The following DHX36 variants were observed in gnomAD, a reference collection of about 807,000 sequenced individuals.
DHX36 encodes DEAH-box helicase 36.
Under a neutral mutation model 139.0 loss-of-function variants are expected in DHX36, and 50 were observed. That is an observed-to-expected ratio of 0.36 (90% CI 0.29 to 0.46). DHX36 has a LOEUF of 0.46. Among genes scored for constraint, DHX36 ranks in the 20% least tolerant of loss-of-function variants. The pLI is 1.00. For missense variants in DHX36, 1,024 were observed against 1,211.3 expected, an observed-to-expected ratio of 0.85 and a Z score of 2.29; for synonymous variants, 425 against 401.9, an observed-to-expected ratio of 1.06 and a Z score of -0.69.
At chr3:154,317,924 G>A (rs1344183931) in intron 1 of DHX36, among the ~76,000 whole-genome samples, 1 of 151,902 alleles carries the variant, frequency 6.6e-6, no homozygotes, top group Non-Finnish European at 1.5e-5. Flanking sequence ...ACTCTGTACA[G>A]TGCAACTCTT....
At chr3:154,306,182 A>C (rs544069832) in intron 6 of DHX36, 34 bp downstream of exon 6, 2 of 1,475,022 alleles carry the variant, frequency 1.4e-6, no homozygotes, top group Non-Finnish European at 1.9e-6. Flanking sequence ...TTTCACTAAA[A>C]TCTGCCTGTA....
intron 17 of DHX36, among the ~76,000 whole-genome samples, chr3:154,287,460 G>A (rs1358356956): frequency 6.6e-6 from 1 of 152,004 alleles, no homozygotes; most frequent in Non-Finnish European, 1.5e-5. Context: ...TTCCAGACCA[G>A]CCTGGTCAAC....
At position 154,283,312 on chromosome 3, in the gene DHX36, A is replaced by T. The variant is rs111625607; in HGVS notation, c.2293-41T>A. 9 of 1,367,800 alleles carry T rather than the reference A, an allele frequency of 6.6e-6. No individual in the cohort carries two copies. In the East Asian group the frequency reaches 2.1e-4, roughly 31 times the overall value. The allele number at this position is 1,367,800 out of a possible 1,614,324, so 84.7% of individuals were successfully genotyped here. On this transcript the variant is annotated intron_variant, in intron 19 of 24. Coordinates refer to ENST00000496811, the MANE Select transcript of DHX36 (RefSeq NM_020865.3). Reference sequence around the variant, plus strand: ...ATGAAGAAATCTATATTTCTCCCGCAAACAAAGATTACTACTGGTTTCCCT... The same window carrying T: ...ATGAAGAAATCTATATTTCTCCCGCTAACAAAGATTACTACTGGTTTCCCT...
At position 154,283,288 on chromosome 3, in the gene DHX36, TG is replaced by T; in HGVS notation, c.2293-18del. On this transcript the variant is annotated intron_variant, in intron 19 of 24. Coordinates refer to ENST00000496811, the MANE Select transcript of DHX36 (RefSeq NM_020865.3). ...TTCCCAGCCCTATGGGGCAAAGAAA[TG>T]AAGAAATCTATATTTCTCCCGCAAA... 1 of 1,568,492 alleles carries T rather than the reference TG, an allele frequency of 6.4e-7. No homozygotes were observed. The highest frequency in any genetic ancestry group is 2.2e-5 in the East Asian group (1 of 44,652).
chr3:154,305,259 C>T (rs2108355620), intron 6 of DHX36, 91 bp from the exon 7 acceptor site: 3 of 1,123,874 alleles, frequency 2.7e-6, no homozygotes, highest in Middle Eastern at 4.1e-4. Flanking sequence ...TTTAGAAATG[C>T]TTTCAGTTTT....
chr3:154,316,985 A>C (rs1332496560), intron 1 of DHX36, among the ~76,000 whole-genome samples: 1 of 152,016 alleles, frequency 6.6e-6, no homozygotes, highest in Non-Finnish European at 1.5e-5. Flanking sequence ...TGAAAATTAG[A>C]GTGTGTTAGG....
chr3:154,316,702 A>C (rs1387342782), intron 1 of DHX36, among the ~76,000 whole-genome samples: 1 of 152,020 alleles, frequency 6.6e-6, no homozygotes, highest in East Asian at 1.9e-4. Flanking sequence ...AGTTGCTTCA[A>C]AGAATGAGAA....
rs1489181817 is a variant in DHX36 at position 154,284,463 on chromosome 3, G to A, written c.2292+120C>T. On this transcript the variant is annotated intron_variant, in intron 19 of 24. Coordinates refer to ENST00000496811, the MANE Select transcript of DHX36 (RefSeq NM_020865.3). ...CCCAAAGTGCTATGATTACAGGCAT[G>A]AGCCACCGCGCCCGGCCTTATAACA... is the stretch of plus-strand genomic sequence containing the variant. The A allele has an allele frequency of 7.3e-6, 6 of 822,074 alleles. No individual in the cohort carries two copies. The Admixed American group carries it at 9.1e-5, about 12-fold the overall frequency. The allele number at this position is 822,074 out of a possible 1,614,324, so 50.9% of individuals were successfully genotyped here.
rs1711867897 is a variant in DHX36, at chr3:154,292,653, T to G, written c.1712A>C (p.Lys571Thr). The change falls in exon 15 of 25, where the codon AAA (lysine) becomes ACA (threonine). Residue 571 changes from lysine to threonine, a missense_variant. Coordinates refer to ENST00000496811, the MANE Select transcript of DHX36 (RefSeq NM_020865.3). ...AGTATCAAAATGCGTCTCTTTTATT[T>G]TTCCTCCATCTATCACATAAACGAC... ...DDVVYVIDGG[K>T]IKETHFDTQN... 1 of 1,613,858 alleles carries G rather than the reference T, an allele frequency of 6.2e-7. No homozygotes were observed. Among genetic ancestry groups the G allele is most frequent in the African/African-American group, 1.3e-5 (1 of 74,848 alleles).
In DHX36 at chr3:154,292,683, T is replaced by A; in HGVS notation, c.1682A>T (p.Asp561Val). Residue 561 changes from aspartate (D) to valine (V), a missense_variant, in exon 15 of 25, where the codon GAT becomes GTT. By Grantham distance (152) the Asp-to-Val change is radical. Around this residue, in one of 4 missense-constraint regions of DHX36, gnomAD observed 470 missense variants for 616.2 expected, o/e 0.76. Transcript: ENST00000496811. ...TCCATCTATCACATAAACGACATCATCTATGGTAATGCTGTTTGGAAAACA... is the reference window on the plus strand; with the variant it reads ...TCCATCTATCACATAAACGACATCAACTATGGTAATGCTGTTTGGAAAACA... ...TNIAETSITI[D>V]DVVYVIDGGK... 1 of 1,613,396 alleles carries A rather than the reference T, an allele frequency of 6.2e-7. No individual in the cohort carries two copies. The highest frequency in any genetic ancestry group is 8.5e-7 in the Non-Finnish European group (1 of 1,179,876).
chr3:154,312,670 G>A (rs1712804390), intron 3 of DHX36, among the ~76,000 whole-genome samples: 2 of 150,592 alleles, frequency 1.3e-5, no homozygotes, highest in South Asian at 2.1e-4. Context: ...GTGAAATCCC[G>A]TCTCTACTAA....
Position 154,309,750 on chromosome 3 carries a change from T to A in DHX36, c.716A>T (p.Gln239Leu), listed in dbSNP as rs1712657954. Reference sequence around the variant, plus strand: ...GTTATCCAAAATGAACTGAGTAACTTGAGTGGTTTTGCCACAACCAGTTTC... The same window carrying A: ...GTTATCCAAAATGAACTGAGTAACTAGAGTGGTTTTGCCACAACCAGTTTC... ...SGETGCGKTT[Q>L]VTQFILDNYI... is the part of the protein sequence containing the mutation. Residue 239 changes from glutamine (Q) to leucine (L), a missense_variant, in exon 5 of 25, where the codon CAA becomes CTA. By Grantham distance (113) the Gln-to-Leu change is moderately radical. This residue lies in a region of DHX36 where 146 missense variants were observed against 215.0 expected (regional missense o/e 0.68). Transcript: ENST00000496811. The A allele has an allele frequency of 6.2e-7, 1 of 1,612,852 alleles. No individual in the cohort carries two copies. Among genetic ancestry groups the A allele is most frequent in the Admixed American group, 1.7e-5 (1 of 59,840 alleles).
chr3:154,276,698 A>C, intron 24 of DHX36, 49 bp downstream of exon 24: 1 of 1,571,244 alleles, frequency 6.4e-7, no homozygotes, highest in Non-Finnish European at 8.7e-7. Context: ...CCACATGACC[A>C]CATGCTGACT....
rs1162231757 is a variant in DHX36, at chr3:154,277,454, T to C, written c.2688+144A>G. The C allele has an allele frequency of 1.4e-5, 9 of 665,514 alleles. No homozygotes were observed. In the East Asian group the frequency reaches 1.5e-4, roughly 11 times the overall value. The allele number at this position is 665,514 out of a possible 1,614,324, so 41.2% of individuals were successfully genotyped here. A position where few individuals can be genotyped will look rare whatever the true frequency, so the allele number is the denominator to read the frequency against. On this transcript the variant is annotated intron_variant, in intron 23 of 24. Transcript: ENST00000496811. The stretch of plus-strand genomic sequence containing the variant: ...CCTGAAAATTAAAAGAATAGGTTAT[T>C]TGTTAGAGGGAAAAAGTTACTCACG...
At chr3:154,310,558 G>A (rs942651882) in intron 4 of DHX36, among the ~76,000 whole-genome samples, 3 of 150,596 alleles carry the variant, frequency 2.0e-5, no homozygotes, top group Non-Finnish European at 4.4e-5. Flanking sequence ...TGAGGTAGGC[G>A]GATCATGAGG....
At chr3:154,316,415 G>T (rs745796291) in intron 1 of DHX36, among the ~76,000 whole-genome samples, 2 of 151,992 alleles carry the variant, frequency 1.3e-5, no homozygotes, top group Middle Eastern at 3.2e-3. Context: ...GATTGGCAAA[G>T]AAAGCTCATT....
intron 3 of DHX36, chr3:154,314,761 G>A (rs1712897658): frequency 7.6e-6 from 2 of 261,988 alleles, no homozygotes; most frequent in South Asian, 1.7e-4. Flanking sequence ...CACTAAACTG[G>A]CCTAGAAAAG....
chr3:154,277,701 T>G lies in DHX36; in HGVS notation c.2585A>C (p.Lys862Thr). ...ATGAACAGCAACCAGGCCATCGGTTTTTGTGTAAACTTTTACCCTTTAAAA... is the reference window on the plus strand; with the variant it reads ...ATGAACAGCAACCAGGCCATCGGTTGTTGTGTAAACTTTTACCCTTTAAAA... ...KKRKMVKVYT[K>T]TDGLVAVHPK... The change falls in exon 23 of 25, where the codon AAA becomes ACA. Residue 862 changes from lysine (K) to threonine (T), a missense_variant. Lys to Thr is a moderately conservative substitution (Grantham distance 78). Around this residue, in one of 4 missense-constraint regions of DHX36, gnomAD observed 470 missense variants for 616.2 expected, o/e 0.76. Transcript: ENST00000496811. 6.2e-7 allele frequency: 1 copy of G among 1,607,274 alleles called. No individual in the cohort carries two copies. Among genetic ancestry groups the G allele is most frequent in the Non-Finnish European group, 8.5e-7 (1 of 1,175,786 alleles).
In DHX36 at chr3:154,287,660, AAAAATAAAAT is replaced by A. The variant is rs1001256389; in HGVS notation, c.2031+1196_2031+1205del. On this transcript the variant is annotated intron_variant, in intron 17 of 24. Coordinates refer to ENST00000496811, the MANE Select transcript of DHX36 (RefSeq NM_020865.3). ...TGCGTGACAGAGTGAGACTCTCTCC[AAAAATAAAAT>A]AAAATAAAATAAAATAAGGAATTTA... Among the ~76,000 whole-genome samples, 10 of 152,106 alleles carry A rather than the reference AAAAATAAAAT, an allele frequency of 6.6e-5. 1 individual carries two copies. The highest frequency in any genetic ancestry group is 2.0e-4 in the Admixed American group (3 of 15,280).
Sources: gnomAD v4.1 joint callset for allele counts (sites outside exome capture counted in the v4.1 genomes callset) on GRCh38, gnomAD v4.1.1 for gene constraint, gnomAD v4.1.1 regional missense constraint, MANE v1.5 for transcripts, NCBI Gene and HGNC (gene_info 2026-07-23, HGNC 2026-07-21) for gene names.